CAMTA2: variants seen among roughly 807,000 people sequenced by gnomAD.
The protein encoded by CAMTA2 is calmodulin binding transcription activator 2.
Under a neutral mutation model 135.7 loss-of-function variants are expected in CAMTA2, and 56 were observed. The observed-to-expected ratio is 0.41, with a 90% CI of 0.33 to 0.52. The LOEUF (loss-of-function observed/expected upper bound fraction) is 0.52. Among genes scored for constraint, CAMTA2 ranks in the 20% least tolerant of loss-of-function variants. The pLI is 0.16. For synonymous variants in CAMTA2, 591 were observed against 604.6 expected (o/e 0.98, Z 0.33); for missense variants, 1,358 against 1,553.4 (o/e 0.87, Z 2.11).
At position 4,972,969 on chromosome 17, in the gene CAMTA2, T is replaced by A; in HGVS notation, c.2303A>T (p.His768Leu). Residue 768 changes from histidine (H) to leucine (L), a missense_variant, in exon 15 of 23, where the codon CAC becomes CTC. By Grantham distance (99) the His-to-Leu change is moderately conservative (BLOSUM62 -3). Coordinates refer to ENST00000348066, the MANE Select transcript of CAMTA2 (RefSeq NM_015099.4). The part of the protein sequence containing the change: ...TPLMWACALG[H>L]LEAAVLLFRW... ...GAAAAGGAGCACAGCAGCTTCCAGG[T>A]GTCCCAGGGCACAAGCCCACATCTG... The A allele has an allele frequency of 6.2e-7, 1 of 1,613,064 alleles. No homozygotes were observed. Among genetic ancestry groups the A allele is most frequent in the Non-Finnish European group, 8.5e-7 (1 of 1,179,882 alleles).
chr17:4,977,598 A>G (rs418305), intron 10 of CAMTA2, among the ~76,000 whole-genome samples: 63,648 of 152,132 alleles, frequency 0.42, 14,457 homozygotes, highest in Non-Finnish European at 0.53. Context: ...TCCAGTGGCC[A>G]TAAGCATGGA....
rs1973429566 is a variant in CAMTA2 at position 4,987,441 on chromosome 17, C to T, written c.-65+152G>A. 7.2e-6 allele frequency: 10 copies of T among 1,384,598 alleles called. No homozygotes were observed. The Admixed American group carries it at 1.0e-4, about 14-fold the overall frequency. The allele number at this position is 1,384,598 out of a possible 1,614,324, so 85.8% of individuals were successfully genotyped here. On this transcript the variant is annotated intron_variant, in intron 1 of 22. Transcript: ENST00000348066. The stretch of plus-strand genomic sequence containing the variant: ...TGGGGCCCTGCGGTGAGCGGCGCCC[C>T]CTGGCGCGGGGGAGGAGGACGGAAG...
In CAMTA2 at chr17:4,977,076, CAAGTT is replaced by C. The variant is rs1365984225; in HGVS notation, c.1877_1881del (p.Gln626ArgfsTer40). 3.1e-6 allele frequency: 5 copies of C among 1,614,106 alleles called. No individual in the cohort carries two copies. Among genetic ancestry groups the C allele is most frequent in the East Asian group, 2.2e-5 (1 of 44,884 alleles). The stretch of plus-strand genomic sequence containing the variant: ...TACTCACCGTCCAGTGACAGCCAGT[CAAGTT>C]GAGTACTAGGCAGAGACAGGAATCG... On this transcript the variant is annotated frameshift_variant, in exon 11 of 23. Coordinates refer to ENST00000348066, the MANE Select transcript of CAMTA2 (RefSeq NM_015099.4). LOFTEE classifies it high-confidence loss of function.
At chr17:4,982,190 G>T in intron 5 of CAMTA2, 30 bp from the exon 6 acceptor site, 17 of 528,780 alleles carry the variant, frequency 3.2e-5, no homozygotes, top group Admixed American at 1.1e-4. Flanking sequence ...GGTGGGGGGA[G>T]GGCTAGTCTG....
intron 15 of CAMTA2, 23 bp from the exon 16 acceptor site, chr17:4,972,559 G>C (rs1420330946): frequency 6.3e-7 from 1 of 1,592,952 alleles, no homozygotes; most frequent in South Asian, 1.1e-5. Context: ...GGAAGAGAGT[G>C]AGGGCAGCCG....
At position 4,971,275 on chromosome 17, in the gene CAMTA2, T is replaced by C. The variant is rs537376963; in HGVS notation, c.2809-739A>G. Among the ~76,000 whole-genome samples the C allele has an allele frequency of 4.6e-5, 7 of 152,348 alleles. No individual in the cohort carries two copies. In the South Asian group the frequency reaches 1.4e-3, roughly 32 times the overall value. ...CACAACTCCCAGCTGCCCTCCGTCA[T>C]CTTGGTTCTCCTAGAACCTTGTCCC... On this transcript the variant is annotated intron_variant, in intron 16 of 22. Coordinates refer to ENST00000348066, the MANE Select transcript of CAMTA2 (RefSeq NM_015099.4).
chr17:4,980,515 G>A lies in CAMTA2; in HGVS notation c.807C>T (p.Pro269=). 6.2e-7 allele frequency: 1 copy of A among 1,612,492 alleles called. No individual in the cohort carries two copies. Residue 269 remains proline (P), a synonymous_variant, in exon 9 of 23, where the codon CCC becomes CCT. Coordinates refer to ENST00000348066, the MANE Select transcript of CAMTA2 (RefSeq NM_015099.4). This position sits in a 1 kb window ranked among gnomAD's most constrained non-coding sequence, Gnocchi z 5.3. The stretch of plus-strand genomic sequence containing the variant: ...GGGCTATCAGTGGAGGAGGCTCTGG[G>A]GGGTGAGCGTGGGGGATAGAGGTCA... The part of the protein sequence containing the change: ...LTLTSIPHAH[P]PEPPPLIAPL...
At position 4,987,644 on chromosome 17, in the gene CAMTA2, A is replaced by ACC. The variant is rs536535114; in HGVS notation, c.-118_-117dup. ...GCAGCGGCCATTCTACCCCACACCG[A>ACC]CCCCCCCCAGCGCCGGCTGACAGCG... On this transcript the variant is annotated 5_prime_UTR_variant, in exon 1 of 23. Transcript: ENST00000348066. 0.042 allele frequency: 63,291 copies of ACC among 1,497,800 alleles called. 719 individuals carry two copies. Among genetic ancestry groups the ACC allele is most frequent in the East Asian group, 0.17 (6,606 of 38,238 alleles). The allele number at this position is 1,497,800 out of a possible 1,614,324, so 92.8% of individuals were successfully genotyped here.
rs77575952 is a variant in CAMTA2 at position 4,980,518 on chromosome 17, G to A, written c.804C>T (p.His268=). 56 of 1,610,962 alleles carry A rather than the reference G, an allele frequency of 3.5e-5. No individual in the cohort carries two copies. The East Asian group carries it at 1.0e-3, about 30-fold the overall frequency. Residue 268 remains histidine (H), a synonymous_variant, in exon 9 of 23, where the codon CAC becomes CAT. Transcript: ENST00000348066. The surrounding 1 kb of genome is among the most constrained non-coding windows in gnomAD (Gnocchi z 5.3). The part of the protein sequence containing the change: ...ALTLTSIPHA[H]PPEPPPLIAP... Reference sequence around the variant, plus strand: ...CTATCAGTGGAGGAGGCTCTGGGGGGTGAGCGTGGGGGATAGAGGTCAGGG... The same window carrying A: ...CTATCAGTGGAGGAGGCTCTGGGGGATGAGCGTGGGGGATAGAGGTCAGGG...
In CAMTA2 at chr17:4,987,499, G is replaced by T. The variant is rs1412727076; in HGVS notation, c.-65+94C>A. The stretch of plus-strand genomic sequence containing the variant: ...TGAGGGCGAACCGGGAAGAGGGACG[G>T]TGGTCCCTGGCGCGGCGCTCCGCGT... On this transcript the variant is annotated intron_variant, in intron 1 of 22. Transcript: ENST00000348066. 9.2e-6 allele frequency: 13 copies of T among 1,418,458 alleles called. No homozygotes were observed. The East Asian group carries it at 3.4e-4, about 37-fold the overall frequency. 87.9% of individuals were successfully genotyped at this position (1,418,458 alleles called of 1,614,324 possible). A position where few individuals can be genotyped will look rare whatever the true frequency, so the allele number is the denominator to read the frequency against.
chr17:4,977,315 G>A (rs962760723), intron 10 of CAMTA2, 123 bp from the exon 11 acceptor site: 17 of 1,275,528 alleles, frequency 1.3e-5, no homozygotes, highest in Non-Finnish European at 1.8e-5. Context: ...GGGCCAAGAG[G>A]CCCCTGGCTT....
In CAMTA2 at chr17:4,972,407, T is replaced by G. The variant is rs149983655; in HGVS notation, c.2633A>C (p.Asp878Ala). ...AGAGGAAAGCTGGCCTGGGGCCATGTCCTCCATAGTCATCTCAGAGGCTGG... is the reference window on the plus strand; with the variant it reads ...AGAGGAAAGCTGGCCTGGGGCCATGGCCTCCATAGTCATCTCAGAGGCTGG... The part of the protein sequence containing the change: ...PLPASEMTME[D>A]MAPGQLSSGV... Residue 878 changes from aspartate to alanine, a missense_variant, in exon 16 of 23, where the codon GAC becomes GCC. Coordinates refer to ENST00000348066, the MANE Select transcript of CAMTA2 (RefSeq NM_015099.4). 1.5e-5 allele frequency: 24 copies of G among 1,613,912 alleles called. No homozygotes were observed. The Admixed American group carries it at 2.7e-4, about 18-fold the overall frequency.
intron 1 of CAMTA2, chr17:4,987,051 C>CA: frequency 7.1e-7 from 1 of 1,410,930 alleles, no homozygotes; most frequent in Non-Finnish European, 9.2e-7. Flanking sequence ...GCCAGGTGTC[C>CA]AGGATGGAGA....
In CAMTA2 at chr17:4,975,483, G is replaced by C. The variant is rs143016808; in HGVS notation, c.1901-983C>G. On this transcript the variant is annotated intron_variant, in intron 11 of 22. Transcript: ENST00000348066. Reference sequence around the variant, plus strand: ...AGAGGGATGGAAGAGACTCATAGGAGAGACGGTAAAACGTAGATTAGACAG... The same window carrying C: ...AGAGGGATGGAAGAGACTCATAGGACAGACGGTAAAACGTAGATTAGACAG... Among the ~76,000 whole-genome samples the C allele has an allele frequency of 4.6e-4, 70 of 152,308 alleles. No homozygotes were observed. In the East Asian group the frequency reaches 0.012, roughly 27 times the overall value.
At chr17:4,981,533 C>T (rs1040552723) in intron 7 of CAMTA2, 145 bp downstream of exon 7, 1 of 1,243,816 alleles carries the variant, frequency 8.0e-7, no homozygotes, top group Admixed American at 2.4e-5. Flanking sequence ...TATTCTAATA[C>T]CTGAGAACAC....
chr17:4,973,245 T>C lies in CAMTA2; in HGVS notation c.2210A>G (p.Glu737Gly), dbSNP rs199665824. Residue 737 changes from glutamate to glycine, a missense_variant, in exon 14 of 23, where the codon GAG (glutamate) becomes GGG (glycine). Physicochemically the swap from Glu to Gly is moderately conservative, Grantham distance 98. This residue lies in a region of CAMTA2 where 1,077 missense variants were observed against 1,127.5 expected (regional missense o/e 0.96). Coordinates refer to ENST00000348066, the MANE Select transcript of CAMTA2 (RefSeq NM_015099.4). ...IETLSQWRSV[E>G]TGSLDLEQEV... is the part of the protein sequence containing the mutation. The stretch of plus-strand genomic sequence containing the variant: ...CTGCTCTAAGTCCAAGCTTCCAGTC[T>C]CCACACTCCTGGAGGGTTTGGGAGA... 9 of 1,613,386 alleles carry C rather than the reference T, an allele frequency of 5.6e-6. No individual in the cohort carries two copies. The East Asian group carries it at 1.8e-4, about 32-fold the overall frequency.
Position 4,980,495 on chromosome 17 carries a change from A to G in CAMTA2, c.827T>C (p.Ile276Thr). 2 of 1,564,992 alleles carry G rather than the reference A, an allele frequency of 1.3e-6. No individual in the cohort carries two copies. Among genetic ancestry groups the G allele is most frequent in the East Asian group, 2.4e-5 (1 of 41,228 alleles). ...GGGGAGCTCTGGGGGAAGTGGGGCT[A>G]TCAGTGGAGGAGGCTCTGGGGGGTG... ...HAHPPEPPPL[I>T]APLPPELPKA... is the part of the protein sequence containing the mutation. Residue 276 changes from isoleucine to threonine, a missense_variant, in exon 9 of 23, where the codon ATA becomes ACA. Ile to Thr is a moderately conservative substitution (Grantham distance 89). Coordinates refer to ENST00000348066, the MANE Select transcript of CAMTA2 (RefSeq NM_015099.4). The surrounding 1 kb of genome is among the most constrained non-coding windows in gnomAD (Gnocchi z 5.3).
rs1229180169 is a variant in CAMTA2, at chr17:4,978,709, A to G, written c.1639-79T>C. On this transcript the variant is annotated intron_variant, in intron 9 of 22. Transcript: ENST00000348066. ...CTCATTCATTTATTCAGACCCTTAC[A>G]GGGTATCTACTATATGGCAGGTCCT... The G allele has an allele frequency of 2.0e-6, 3 of 1,522,352 alleles. No homozygotes were observed. In the African/African-American group the frequency reaches 4.1e-5, roughly 21 times the overall value. The allele number at this position is 1,522,352 out of a possible 1,614,324, so 94.3% of individuals were successfully genotyped here.
At chr17:4,976,928 T>C in intron 11 of CAMTA2, 130 bp downstream of exon 11, 1 of 834,260 alleles carries the variant, frequency 1.2e-6, no homozygotes, top group Non-Finnish European at 1.8e-6. Context: ...ACTAATGAAA[T>C]AGGAATTGAA....
Sources: gnomAD v4.1 joint callset for allele counts (sites outside exome capture counted in the v4.1 genomes callset) on GRCh38, gnomAD v4.1.1 for gene constraint, gnomAD v4.1.1 regional missense constraint, Gnocchi (gnomAD v3.1) non-coding constraint, MANE v1.5 for transcripts, NCBI Gene and HGNC (gene_info 2026-07-23, HGNC 2026-07-21) for gene names.